Variants in CACNA1E observed in about 807,000 individuals in gnomAD.
CACNA1E encodes the protein calcium voltage-gated channel subunit alpha1 E.
In CACNA1E, 40 loss-of-function variants were observed where a neutral mutation model predicts 259.2. The observed-to-expected ratio is 0.15, with a 90% CI of 0.12 to 0.20. The LOEUF (loss-of-function observed/expected upper bound fraction) is 0.20. Ranked by LOEUF, CACNA1E falls within the 10% of genes least tolerant of loss-of-function variation. The probability of loss-of-function intolerance (pLI) is 1.00; values close to 1 mark genes in which losing one functional copy is unlikely to be tolerated. For missense variants in CACNA1E, 1,874 were observed against 3,040.1 expected, an observed-to-expected ratio of 0.62 and a Z score of 9.02; for synonymous variants, 1,104 against 1,138.5, an observed-to-expected ratio of 0.97 and a Z score of 0.61.
At chr1:181,346,130 G>A (rs748022070) in intron 1 of CACNA1E, among the ~76,000 whole-genome samples, 28 of 152,230 alleles carry the variant, frequency 1.8e-4, no homozygotes, top group Non-Finnish European at 2.8e-4. Context: ...GAAGGTCAGC[G>A]AGGGCCGAGG....
At chr1:181,568,330 T>C (rs1650055683) in intron 3 of CACNA1E, among the ~76,000 whole-genome samples, 1 of 152,120 alleles carries the variant, frequency 6.6e-6, no homozygotes, top group African/African-American at 2.4e-5. Context: ...ATAGAGAAAG[T>C]AGCATTAGTT....
At chr1:181,661,782 A>G (rs1357279499) in intron 7 of CACNA1E, among the ~76,000 whole-genome samples, 1 of 152,232 alleles carries the variant, frequency 6.6e-6, no homozygotes, top group East Asian at 1.9e-4. Context: ...ACTTCCTTTT[A>G]TAAATAGAGA....
rs758495194 is a variant in CACNA1E at position 181,756,000 on chromosome 1, G to C, written c.4034G>C (p.Gly1345Ala). 3 of 1,613,810 alleles carry C rather than the reference G, an allele frequency of 1.9e-6. No individual in the cohort carries two copies. Among genetic ancestry groups the C allele is most frequent in the African/African-American group, 1.3e-5 (1 of 74,902 alleles). ...DHEKNKMEVK[G>A]REWKRHEFHY... Reference sequence around the variant, plus strand: ...GAGAAAAACAAGATGGAGGTGAAGGGCCGGGAATGGAAGCGCCATGAATTC... The same window carrying C: ...GAGAAAAACAAGATGGAGGTGAAGGCCCGGGAATGGAAGCGCCATGAATTC... Residue 1345 changes from glycine to alanine, a missense_variant, in exon 29 of 48, where the codon GGC becomes GCC. Around this residue, in one of 14 missense-constraint regions of CACNA1E, gnomAD observed 188 missense variants for 540.6 expected, o/e 0.35. Transcript: ENST00000367573.
At chr1:181,725,431 G>A (rs1444765109) in intron 17 of CACNA1E, among the ~76,000 whole-genome samples, 3 of 152,206 alleles carry the variant, frequency 2.0e-5, no homozygotes, top group Admixed American at 6.5e-5. Flanking sequence ...GGATTACTGT[G>A]AGGATCAAGT....
intron 1 of CACNA1E, among the ~76,000 whole-genome samples, chr1:181,340,181 A>G (rs1004831615): frequency 3.3e-5 from 5 of 151,532 alleles, no homozygotes; most frequent in Admixed American, 6.6e-5. Flanking sequence ...TTACATGTCT[A>G]CTCACTTGTC....
chr1:181,474,169 T>A (rs1259252713), intron 2 of CACNA1E, among the ~76,000 whole-genome samples: 1 of 152,242 alleles, frequency 6.6e-6, no homozygotes. Flanking sequence ...ACTGGAAACT[T>A]TGAATTATTC....
chr1:181,500,924 G>C lies in CACNA1E; in HGVS notation c.267-9553G>C, dbSNP rs549238671. ...CATGATGCTGGTGTTGATATGAAGTGGGGTGTAGTCTTGGGTGGGGTTGCT... is the reference window on the plus strand; with the variant it reads ...CATGATGCTGGTGTTGATATGAAGTCGGGTGTAGTCTTGGGTGGGGTTGCT... On this transcript the variant is annotated intron_variant, in intron 1 of 47. Coordinates refer to ENST00000367573, the MANE Select transcript of CACNA1E (RefSeq NM_001205293.3). Among the ~76,000 whole-genome samples, 3 of 152,284 alleles carry C rather than the reference G, an allele frequency of 2.0e-5. No individual in the cohort carries two copies. In the South Asian group the frequency reaches 6.2e-4, roughly 32 times the overall value.
intron 1 of CACNA1E, among the ~76,000 whole-genome samples, chr1:181,357,408 G>C (rs946580722): frequency 6.6e-6 from 1 of 152,198 alleles, no homozygotes; most frequent in Non-Finnish European, 1.5e-5. Context: ...AGATGGATGC[G>C]TTAGTCTCTT....
At position 181,485,008 on chromosome 1, in the gene CACNA1E, G is replaced by T. The variant is rs1446995353; in HGVS notation, c.266+998G>T. ...TGCTGATTAGGCAGCTCACTGCCTT[G>T]TTCTTCACTAAGGATTGGACGCCTG... On this transcript the variant is annotated intron_variant, in intron 1 of 47. Coordinates refer to ENST00000367573, the MANE Select transcript of CACNA1E (RefSeq NM_001205293.3). The surrounding 1 kb of genome is among the most constrained non-coding windows in gnomAD (Gnocchi z 4.2). 6.6e-6 allele frequency among the ~76,000 whole-genome samples: 1 copy of T among 152,244 alleles called. No homozygotes were observed. The highest frequency in any genetic ancestry group is 6.5e-5 in the Admixed American group (1 of 15,292).
At chr1:181,362,687 G>A (rs1265885727) in intron 1 of CACNA1E, among the ~76,000 whole-genome samples, 1 of 152,246 alleles carries the variant, frequency 6.6e-6, no homozygotes, top group Non-Finnish European at 1.5e-5. Context: ...ATGTCTCCCA[G>A]AGGCAGCTTG....
chr1:181,444,837 C>T lies in CACNA1E; in HGVS notation c.434+31257C>T, dbSNP rs530471935. Among the ~76,000 whole-genome samples the T allele has an allele frequency of 2.3e-3, 354 of 152,190 alleles. 2 individuals are homozygous for T. The highest frequency in any genetic ancestry group is 8.1e-3 in the African/African-American group (338 of 41,528). On this transcript the variant is annotated intron_variant, in intron 2 of 11. Coordinates refer to the CACNA1E transcript ENST00000524607. ...CAGCTCACCGCCATGATGAGTGCTC[C>T]GTAGACAACTTACTCTGCTTGGAGT...
chr1:181,723,772 T>C (rs1654629786), intron 16 of CACNA1E, among the ~76,000 whole-genome samples: 1 of 152,146 alleles, frequency 6.6e-6, no homozygotes, highest in Non-Finnish European at 1.5e-5. Flanking sequence ...TAAAGGATAT[T>C]ACAAAGGATG....
chr1:181,533,006 C>T (rs1315950076), intron 3 of CACNA1E, among the ~76,000 whole-genome samples: 2 of 152,104 alleles, frequency 1.3e-5, no homozygotes, highest in Middle Eastern at 3.2e-3. Context: ...CAAAACCTCT[C>T]AGTATTTGAG....
At chr1:181,378,148 G>A (rs1412662636) in intron 1 of CACNA1E, among the ~76,000 whole-genome samples, 1 of 152,150 alleles carries the variant, frequency 6.6e-6, no homozygotes, top group Non-Finnish European at 1.5e-5. Context: ...TGGAAGCTTG[G>A]GCTGATCCTT....
chr1:181,347,147 G>A (rs1040565169), intron 1 of CACNA1E, among the ~76,000 whole-genome samples: 5 of 152,106 alleles, frequency 3.3e-5, no homozygotes, highest in Non-Finnish European at 7.4e-5. Context: ...CCATCACTTC[G>A]AAGAATGGCC....
At chr1:181,674,118 G>A (rs1649103089) in intron 7 of CACNA1E, among the ~76,000 whole-genome samples, 1 of 151,304 alleles carries the variant, frequency 6.6e-6, no homozygotes, top group Non-Finnish European at 1.5e-5. Flanking sequence ...GGTGGCTCAT[G>A]CCTATAATCC....
intron 2 of CACNA1E, among the ~76,000 whole-genome samples, chr1:181,427,189 C>A (rs1477552963): frequency 6.6e-6 from 1 of 151,728 alleles, no homozygotes; most frequent in Non-Finnish European, 1.5e-5. Context: ...CTATTTCACC[C>A]TCTCCCCATC....
At chr1:181,779,311 G>A in intron 38 of CACNA1E, 1 of 280,058 alleles carries the variant, frequency 3.6e-6, no homozygotes, top group Non-Finnish European at 7.5e-6. Context: ...AGTCTCTCCT[G>A]GTCTGGCTTT....
intron 18 of CACNA1E, among the ~76,000 whole-genome samples, chr1:181,727,082 A>G (rs1306276106): frequency 6.6e-6 from 1 of 152,234 alleles, no homozygotes; most frequent in Non-Finnish European, 1.5e-5. Context: ...TAAGGCATCC[A>G]AGTATTGAAC....
Sources: gnomAD v4.1 joint callset for allele counts (sites outside exome capture counted in the v4.1 genomes callset) on GRCh38, gnomAD v4.1.1 for gene constraint, gnomAD v4.1.1 regional missense constraint, Gnocchi (gnomAD v3.1) non-coding constraint, MANE v1.5 for transcripts, NCBI Gene and HGNC (gene_info 2026-07-23, HGNC 2026-07-21) for gene names.